Variants in RAD17 observed in about 807,000 individuals in gnomAD.
RAD17 encodes the protein RAD17 checkpoint clamp loader component.
In RAD17, 31 loss-of-function variants were observed where a neutral mutation model predicts 81.5. The observed-to-expected ratio is 0.38, with a 90% CI of 0.29 to 0.51. RAD17 has a LOEUF of 0.51. Ranked by LOEUF, RAD17 falls within the 20% of genes least tolerant of loss-of-function variation. RAD17 has a pLI of 0.88. For missense variants in RAD17, 681 were observed against 781.2 expected, an observed-to-expected ratio of 0.87 and a Z score of 1.53; for synonymous variants, 261 against 266.2, an observed-to-expected ratio of 0.98 and a Z score of 0.19.
In RAD17 at chr5:69,391,687, A is replaced by C. The variant is rs17236422; in HGVS notation, c.1007-144A>C. On this transcript the variant is annotated intron_variant, in intron 12 of 18. Coordinates refer to ENST00000354868, the MANE Select transcript of RAD17 (RefSeq NM_133338.3). ...TGTTAGTAACCCAAAGAGGATTCCA[A>C]CTCAGTTAATGTCATTTATAATTTT... 1,268 of 597,896 alleles carry C rather than the reference A, an allele frequency of 2.1e-3. 14 individuals are homozygous for C. In the African/African-American group the frequency reaches 0.022, roughly 10 times the overall value. 37.0% of individuals were successfully genotyped at this position (597,896 alleles called of 1,614,324 possible).
At chr5:69,400,024 T>C in intron 16 of RAD17, 25 bp from the exon 17 acceptor site, 1 of 1,471,500 alleles carries the variant, frequency 6.8e-7, no homozygotes. Flanking sequence ...TTTCCTTTCA[T>C]CTTTTTTTTT....
In RAD17 at chr5:69,397,152, TATTTTTATTC is replaced by T. The variant is rs548446859; in HGVS notation, c.1572+608_1572+617del. Among the ~76,000 whole-genome samples, 7 of 151,492 alleles carry T rather than the reference TATTTTTATTC, an allele frequency of 4.6e-5. No individual in the cohort carries two copies. The South Asian group carries it at 1.5e-3, about 32-fold the overall frequency. Reference sequence around the variant, plus strand: ...CGGCCATATTTTATTTTTTATTTTTTATTTTTATTCAGACAGAGTCGTTCTCTTGCCTAGG... The same window carrying T: ...CGGCCATATTTTATTTTTTATTTTTTAGACAGAGTCGTTCTCTTGCCTAGG... On this transcript the variant is annotated intron_variant, in intron 16 of 18. Transcript: ENST00000354868.
chr5:69,413,677 G>A (rs1461975336), intron 18 of RAD17, among the ~76,000 whole-genome samples: 4 of 152,122 alleles, frequency 2.6e-5, no homozygotes, highest in African/African-American at 9.7e-5. Flanking sequence ...TGGGATTACA[G>A]ATGCGTGCCA....
At position 69,410,484 on chromosome 5, in the gene RAD17, C is replaced by A; in HGVS notation, c.1694-9C>A. ...AAATTGTTTACAACTTTTAAAAAAT[C>A]TGTTTCAGCTCAGATTTCTTTTATC... On this transcript the variant is annotated splice_polypyrimidine_tract_variant and intron_variant, in intron 17 of 18. Coordinates refer to ENST00000354868, the MANE Select transcript of RAD17 (RefSeq NM_133338.3). 1.2e-6 allele frequency: 2 copies of A among 1,608,996 alleles called. No individual in the cohort carries two copies. Among genetic ancestry groups the A allele is most frequent in the Non-Finnish European group, 1.7e-6 (2 of 1,177,098 alleles).
chr5:69,404,911 G>T (rs932573100), intron 17 of RAD17, among the ~76,000 whole-genome samples: 2 of 152,112 alleles, frequency 1.3e-5, no homozygotes, highest in Admixed American at 1.3e-4. Flanking sequence ...CTACATTCTA[G>T]CCTGGGGGAC....
In RAD17 at chr5:69,377,654, T is replaced by C. The variant is rs796507595; in HGVS notation, c.351+2943T>C. 1.6e-4 allele frequency among the ~76,000 whole-genome samples: 13 copies of C among 81,302 alleles called. 1 individual carries two copies. The highest frequency in any genetic ancestry group is 8.6e-4 in the East Asian group (2 of 2,314). The allele number at this position is 81,302 out of a possible 152,430, so 53.3% of individuals were successfully genotyped here. On this transcript the variant is annotated intron_variant, in intron 6 of 18. Coordinates refer to ENST00000354868, the MANE Select transcript of RAD17 (RefSeq NM_133338.3). ...ATATGTATACATATATATATGCATA[T>C]ATATATGTATACATATATATATGCA...
Position 69,377,437 on chromosome 5 carries a change from G to GTATA in RAD17, c.351+2727_351+2728insATAT, listed in dbSNP as rs1229779615. Among the ~76,000 whole-genome samples, 52 of 25,752 alleles carry GTATA rather than the reference G, an allele frequency of 2.0e-3. 2 individuals carry two copies. Among genetic ancestry groups the GTATA allele is most frequent in the African/African-American group, 4.9e-3 (45 of 9,232 alleles). 16.9% of individuals were successfully genotyped at this position (25,752 alleles called of 152,430 possible). On this transcript the variant is annotated intron_variant, in intron 6 of 18. Transcript: ENST00000354868. ...TAGGTATATGTGTGTGTGTGTGTGT[G>GTATA]TGTATATATATATATATATATATAT...
At chr5:69,370,943 T>C in intron 1 of RAD17, 92 bp from the exon 2 acceptor site, 1 of 234,856 alleles carries the variant, frequency 4.3e-6, no homozygotes, top group Non-Finnish European at 8.8e-6. Flanking sequence ...GAAAACACGG[T>C]TGAAAAACAG....
At chr5:69,377,306 G>T (rs191828331) in intron 6 of RAD17, among the ~76,000 whole-genome samples, 1 of 150,188 alleles carries the variant, frequency 6.7e-6, no homozygotes, top group African/African-American at 2.5e-5. Context: ...TTATTTTTCA[G>T]TGTCCATTGT....
chr5:69,411,926 C>G (rs1397498632), intron 18 of RAD17, among the ~76,000 whole-genome samples: 3 of 152,134 alleles, frequency 2.0e-5, no homozygotes, highest in African/African-American at 7.2e-5. Flanking sequence ...GGTTCAACTA[C>G]CTACTTGATG....
intron 12 of RAD17, among the ~76,000 whole-genome samples, chr5:69,391,225 A>G (rs1465159927): frequency 7.7e-6 from 1 of 130,392 alleles, no homozygotes; most frequent in African/African-American, 2.6e-5. Flanking sequence ...GCGAGACTCC[A>G]TCTCAAAAAA....
At chr5:69,371,401 G>T (rs1762975593) in intron 2 of RAD17, 53 bp from the exon 3 acceptor site, 7 of 510,008 alleles carry the variant, frequency 1.4e-5, no homozygotes, top group South Asian at 7.9e-5. Flanking sequence ...TACTATAATT[G>T]GGCATTTACA....
In RAD17 at chr5:69,372,037, A is replaced by G; in HGVS notation, c.-172A>G. The G allele has an allele frequency of 3.1e-6, 4 of 1,307,656 alleles. No homozygotes were observed. Among genetic ancestry groups the G allele is most frequent in the Non-Finnish European group, 4.0e-6 (4 of 994,068 alleles). The allele number at this position is 1,307,656 out of a possible 1,614,324, so 81.0% of individuals were successfully genotyped here. A position where few individuals can be genotyped will look rare whatever the true frequency, so the allele number is the denominator to read the frequency against. ...TTTATCTTTCTCTTTTTTTCAGTATATGGGAGTCCACATTTATGTAAGAAA... is the reference window on the plus strand; with the variant it reads ...TTTATCTTTCTCTTTTTTTCAGTATGTGGGAGTCCACATTTATGTAAGAAA... On this transcript the variant is annotated 5_prime_UTR_variant, in exon 4 of 19. The change creates a new upstream start codon in the 5' untranslated region. Coordinates refer to ENST00000354868, the MANE Select transcript of RAD17 (RefSeq NM_133338.3).
chr5:69,384,988 GTGTCAC>G, intron 8 of RAD17, 55 bp downstream of exon 8: 14 of 1,387,888 alleles, frequency 1.0e-5, no homozygotes, highest in Non-Finnish European at 1.2e-5. Context: ...GAGTCTTGCT[GTGTCAC>G]TGTCACCCAG....
chr5:69,393,705 T>A (rs1764683516), intron 15 of RAD17, among the ~76,000 whole-genome samples: 1 of 152,070 alleles, frequency 6.6e-6, no homozygotes, highest in African/African-American at 2.4e-5. Context: ...TAGCACCAAT[T>A]GTTTCTAAAG....
intron 5 of RAD17, 136 bp downstream of exon 5, chr5:69,374,223 T>G (rs531017076): frequency 1.3e-6 from 1 of 781,788 alleles, no homozygotes; most frequent in Admixed American, 3.2e-5. Flanking sequence ...AATTCTGGAT[T>G]TTTTTATTTT....
chr5:69,369,651 G>C (rs772727876), upstream of RAD17: 3 of 1,561,202 alleles, frequency 1.9e-6, no homozygotes, highest in South Asian at 1.2e-5. Flanking sequence ...GCGGCCCACT[G>C]GTTACCTGGC....
At position 69,384,928 on chromosome 5, in the gene RAD17, G is replaced by A. The variant is rs760898877; in HGVS notation, c.640G>A (p.Val214Ile). 6.4e-7 allele frequency: 1 copy of A among 1,574,032 alleles called. No homozygotes were observed. Among genetic ancestry groups the A allele is most frequent in the East Asian group, 2.3e-5 (1 of 44,072 alleles). The change falls in exon 8 of 19, where the codon GTT becomes ATT. Residue 214 changes from valine to isoleucine, a missense_variant. Transcript: ENST00000354868. ...DLRTDKKIIL[V>I]EDLPNQFYRD... is the part of the protein sequence containing the mutation. ...GAGAACTGATAAGAAGATAATTCTG[G>A]TTGAAGTAAGGACAACTTTTAAAAT...
At chr5:69,406,997 AG>A (rs1480616432) in intron 17 of RAD17, among the ~76,000 whole-genome samples, 2 of 130,958 alleles carry the variant, frequency 1.5e-5, no homozygotes, top group Non-Finnish European at 3.2e-5. Flanking sequence ...TGTTTGTAGT[AG>A]ATTTTTTTTT....
Sources: gnomAD v4.1 joint callset for allele counts (sites outside exome capture counted in the v4.1 genomes callset) on GRCh38, gnomAD v4.1.1 for gene constraint, MANE v1.5 for transcripts, NCBI Gene and HGNC (gene_info 2026-07-23, HGNC 2026-07-21) for gene names.